The following ABCG2 variants were observed in gnomAD, a reference collection of about 807,000 sequenced individuals.
The protein encoded by ABCG2 is broad substrate specificity ATP-binding cassette transporter ABCG2.
ABCG2 carries 80 observed loss-of-function variants against 73.5 expected under a neutral mutation model. That is an observed-to-expected ratio of 1.09 (90% CI 0.91 to 1.31). The LOEUF is 1.31. Among genes scored for constraint, ABCG2 ranks in the 50% most tolerant of loss-of-function variants. The pLI is 0.00. For synonymous variants in ABCG2, 269 were observed against 282.4 expected, an observed-to-expected ratio of 0.95 and a Z score of 0.48; for missense variants, 796 against 786.2, an observed-to-expected ratio of 1.01 and a Z score of -0.15.
intron 1 of ABCG2, among the ~76,000 whole-genome samples, chr4:88,188,805 G>C (rs1290034610): frequency 6.6e-6 from 1 of 152,012 alleles, no homozygotes; most frequent in East Asian, 1.9e-4. Context: ...CTTGAGCTCA[G>C]GAGTTCAAGA....
intron 1 of ABCG2, among the ~76,000 whole-genome samples, chr4:88,152,559 G>C (rs1045390236): frequency 6.6e-6 from 1 of 152,134 alleles, no homozygotes; most frequent in Non-Finnish European, 1.5e-5. Context: ...GCCAGAATGA[G>C]CCAGGAGAAG....
intron 6 of ABCG2, among the ~76,000 whole-genome samples, chr4:88,119,168 T>C (rs1723793068): frequency 6.6e-6 from 1 of 152,242 alleles, no homozygotes; most frequent in African/African-American, 2.4e-5. Context: ...GGAGTTCCCC[T>C]GCACAAGCTC....
intron 1 of ABCG2, among the ~76,000 whole-genome samples, chr4:88,217,871 T>A (rs1267654661): frequency 6.7e-6 from 1 of 150,038 alleles, no homozygotes; most frequent in Non-Finnish European, 1.5e-5. Context: ...GAGACTGAAG[T>A]GGAAGGACTG....
chr4:88,112,545 G>A, intron 9 of ABCG2, among the ~76,000 whole-genome samples: 1 of 151,648 alleles, frequency 6.6e-6, no homozygotes, highest in Non-Finnish European at 1.5e-5. Context: ...TATCATAACT[G>A]TCTTCCTCAA....
At chr4:88,170,164 T>C (rs1727703586) in intron 1 of ABCG2, among the ~76,000 whole-genome samples, 2 of 152,104 alleles carry the variant, frequency 1.3e-5, no homozygotes, top group African/African-American at 4.8e-5. Context: ...TTTCCTCCTT[T>C]CTTGCCAGTC....
At chr4:88,160,011 C>G (rs976444781), upstream of ABCG2, among the ~76,000 whole-genome samples, 9 of 151,724 alleles carry the variant, frequency 5.9e-5, no homozygotes, top group Non-Finnish European at 8.8e-5. Context: ...GGGAGGCTGA[C>G]GCAGGCAGAT....
intron 1 of ABCG2, among the ~76,000 whole-genome samples, chr4:88,165,344 A>G (rs1335970683): frequency 2.6e-5 from 4 of 152,216 alleles, no homozygotes; most frequent in Non-Finnish European, 5.9e-5. Flanking sequence ...TCTAAAATCA[A>G]AATGTCAGCA....
chr4:88,131,297 C>T, intron 4 of ABCG2, 84 bp from the exon 5 acceptor site: 3 of 1,388,158 alleles, frequency 2.2e-6, no homozygotes, highest in Non-Finnish European at 3.0e-6. Flanking sequence ...ATAACATAAT[C>T]CACAAAGATA....
chr4:88,231,185 TGA>T (rs1184550352), exon 1 of ABCG2: 5 of 152,126 alleles, frequency 3.3e-5, no homozygotes, highest in Admixed American at 2.6e-4. Context: ...GGAGAAAGAA[TGA>T]GAGAGGAAAC....
chr4:88,190,373 C>T (rs141114436), intron 1 of ABCG2, among the ~76,000 whole-genome samples: 2 of 152,268 alleles, frequency 1.3e-5, no homozygotes, highest in Non-Finnish European at 2.9e-5. Flanking sequence ...AAATCCAAGC[C>T]GTGGGCCTTC....
In ABCG2 at chr4:88,094,649, T is replaced by G; in HGVS notation, c.1748A>C (p.His583Pro). The change falls in exon 15 of 16, where the codon CAT (histidine) becomes CCT (proline). Residue 583 changes from histidine to proline, a missense_variant. Coordinates refer to ENST00000237612, the MANE Select transcript of ABCG2 (RefSeq NM_004827.3). Reference sequence around the variant, plus strand: ...GAAGTTTTGTCCCAAAAATTCATTATGCTGCAAAGCCTATAACACAAGTGG... The same window carrying G: ...GAAGTTTTGTCCCAAAAATTCATTAGGCTGCAAAGCCTATAACACAAGTGG... ...IPRYGFTALQ[H>P]NEFLGQNFCP... 1 of 1,613,714 alleles carries G rather than the reference T, an allele frequency of 6.2e-7. No individual in the cohort carries two copies. Among genetic ancestry groups the G allele is most frequent in the Non-Finnish European group, 8.5e-7 (1 of 1,179,546 alleles).
chr4:88,111,816 C>T (rs868717001), intron 9 of ABCG2, among the ~76,000 whole-genome samples: 8 of 152,118 alleles, frequency 5.3e-5, no homozygotes, highest in Non-Finnish European at 7.4e-5. Context: ...AAAGGCCAGG[C>T]ATGGTGGCTC....
intron 1 of ABCG2, among the ~76,000 whole-genome samples, chr4:88,209,099 G>T (rs1481191662): frequency 6.6e-6 from 1 of 151,950 alleles, no homozygotes; most frequent in African/African-American, 2.4e-5. Flanking sequence ...GATCACCTGA[G>T]GTCAGTTCAA....
intron 1 of ABCG2, among the ~76,000 whole-genome samples, chr4:88,219,793 G>A (rs1388367655): frequency 6.8e-6 from 1 of 146,596 alleles, no homozygotes; most frequent in African/African-American, 2.5e-5. Flanking sequence ...GTTTCACCAT[G>A]TTAGCCAGGA....
At chr4:88,189,636 C>T (rs955741829) in intron 1 of ABCG2, among the ~76,000 whole-genome samples, 5 of 152,074 alleles carry the variant, frequency 3.3e-5, no homozygotes, top group African/African-American at 1.2e-4. Context: ...CTCTAATTTT[C>T]GTGTGTGGAA....
At position 88,229,739 on chromosome 4, in the gene ABCG2, TTC is replaced by T. The variant is rs546767390; in HGVS notation, c.-20+1253_-20+1254del. On this transcript the variant is annotated intron_variant, in intron 1 of 15. Transcript: ENST00000515655. ...ACACAATAGGTATATTTCCTCGCCATTCTCTTTTTTCCTCTTGGCTTGTTTCT... is the reference window on the plus strand; with the variant it reads ...ACACAATAGGTATATTTCCTCGCCATTCTTTTTTCCTCTTGGCTTGTTTCT... Among the ~76,000 whole-genome samples the T allele has an allele frequency of 5.2e-3, 790 of 152,254 alleles. 21 individuals are homozygous for T. The highest frequency in any genetic ancestry group is 5.4e-3 in the East Asian group (28 of 5,174).
chr4:88,207,946 A>G (rs1224517781), intron 1 of ABCG2, among the ~76,000 whole-genome samples: 1 of 152,212 alleles, frequency 6.6e-6, no homozygotes, highest in Non-Finnish European at 1.5e-5. Context: ...AAATCAATAT[A>G]AGATAACTAA....
intron 1 of ABCG2, among the ~76,000 whole-genome samples, chr4:88,148,428 A>C (rs375187321): frequency 5.3e-5 from 8 of 152,322 alleles, no homozygotes; most frequent in African/African-American, 1.9e-4. Context: ...GGGCAGTAAC[A>C]AAATGAGGCT....
intron 11 of ABCG2, among the ~76,000 whole-genome samples, chr4:88,099,817 G>T (rs567410319): frequency 2.0e-5 from 3 of 152,190 alleles, no homozygotes; most frequent in African/African-American, 7.2e-5. Context: ...TTCAGTAGCC[G>T]ATTTTGGCAG....
Sources: gnomAD v4.1 joint callset for allele counts (sites outside exome capture counted in the v4.1 genomes callset) on GRCh38, gnomAD v4.1.1 for gene constraint, MANE v1.5 for transcripts, NCBI Gene and HGNC (gene_info 2026-07-23, HGNC 2026-07-21) for gene names.